SMARCC1: variants seen among roughly 807,000 people sequenced by gnomAD.
SMARCC1 encodes the protein SWI/SNF related BAF chromatin remodeling complex subunit C1.
In SMARCC1, 43 loss-of-function variants were observed where a neutral mutation model predicts 147.4. The ratio of observed to expected loss-of-function variants is 0.29; its 90% CI spans 0.23 to 0.38. The LOEUF (loss-of-function observed/expected upper bound fraction) is 0.38, where lower values mean the gene tolerates loss of function less well. Ranked by LOEUF, SMARCC1 falls within the 10% of genes least tolerant of loss-of-function variation. The probability of loss-of-function intolerance (pLI) is 1.00; values close to 1 mark genes in which losing one functional copy is unlikely to be tolerated. For synonymous variants in SMARCC1, 495 were observed against 484.4 expected (o/e 1.02, Z -0.29); for missense variants, 1,119 against 1,381.1 (o/e 0.81, Z 3.01).
At chr3:47,689,937 C>T (rs1576412339) in intron 12 of SMARCC1, among the ~76,000 whole-genome samples, 1 of 152,080 alleles carries the variant, frequency 6.6e-6, no homozygotes, top group African/African-American at 2.4e-5. Context: ...GTAAAACTGC[C>T]AGTACAGAAT....
intron 26 of SMARCC1, among the ~76,000 whole-genome samples, chr3:47,593,144 G>T (rs1485365616): frequency 6.6e-6 from 1 of 151,172 alleles, no homozygotes; most frequent in Non-Finnish European, 1.5e-5. Flanking sequence ...TGGTTTTAAA[G>T]AGTAATAAAT....
intron 19 of SMARCC1, among the ~76,000 whole-genome samples, chr3:47,667,607 G>T (rs920405374): frequency 1.3e-5 from 2 of 152,148 alleles, no homozygotes; most frequent in Non-Finnish European, 2.9e-5. Context: ...GGCCAAGCGC[G>T]GTGGCTTGTG....
intron 25 of SMARCC1, among the ~76,000 whole-genome samples, chr3:47,613,445 C>T (rs2032591055): frequency 1.4e-5 from 2 of 147,612 alleles, no homozygotes; most frequent in Non-Finnish European, 3.0e-5. Context: ...GTGCAGTGGT[C>T]GCCTTCCGGG....
intron 24 of SMARCC1, among the ~76,000 whole-genome samples, chr3:47,628,059 A>AT (rs199527588): frequency 6.6e-6 from 1 of 151,094 alleles, no homozygotes; most frequent in Middle Eastern, 3.4e-3. Context: ...ATATATATAT[A>AT]TTTTTTCTTT....
chr3:47,725,021 G>A (rs2034281275), intron 6 of SMARCC1, among the ~76,000 whole-genome samples: 1 of 38,198 alleles, frequency 2.6e-5, no homozygotes, highest in African/African-American at 1.1e-4. Context: ...AACAGAAAAA[G>A]ACTGTCTCCA....
In SMARCC1 at chr3:47,663,054, C is replaced by T. The variant is rs187383505; in HGVS notation, c.1900-462G>A. Among the ~76,000 whole-genome samples, 914 of 140,536 alleles carry T rather than the reference C, an allele frequency of 6.5e-3. 8 individuals carry two copies. Among genetic ancestry groups the T allele is most frequent in the African/African-American group, 0.023 (864 of 37,732 alleles). The allele number at this position is 140,536 out of a possible 152,430, so 92.2% of individuals were successfully genotyped here. On this transcript the variant is annotated intron_variant, in intron 19 of 27. Coordinates refer to ENST00000254480, the MANE Select transcript of SMARCC1 (RefSeq NM_003074.4). ...TTGTGCCACTGCATTCCAGCCTAGG[C>T]GGCAAGAGTGATAGAAAGAAAGAAA...
chr3:47,761,352 T>C (rs754615224), intron 2 of SMARCC1, among the ~76,000 whole-genome samples: 17 of 152,064 alleles, frequency 1.1e-4, no homozygotes, highest in South Asian at 2.1e-4. Flanking sequence ...AGACTAAAAA[T>C]ATATAACTAA....
chr3:47,610,832 A>T, intron 25 of SMARCC1: 1 of 159,402 alleles, frequency 6.3e-6, no homozygotes, highest in East Asian at 1.8e-4. Context: ...GAGTTAAATT[A>T]CTCTGCATGA....
chr3:47,676,934 T>C (rs2033581882), intron 16 of SMARCC1, 152 bp from the exon 17 acceptor site: 1 of 662,502 alleles, frequency 1.5e-6, no homozygotes, highest in Non-Finnish European at 2.6e-6. Flanking sequence ...CAGATTTTGT[T>C]ATGTGACGAA....
At chr3:47,673,096 T>C (rs2033521648) in intron 18 of SMARCC1, among the ~76,000 whole-genome samples, 1 of 152,090 alleles carries the variant, frequency 6.6e-6, no homozygotes, top group African/African-American at 2.4e-5. Context: ...ATTTTTTTCT[T>C]GTATTAGGCT....
chr3:47,706,152 A>C (rs1193789881), intron 10 of SMARCC1, among the ~76,000 whole-genome samples: 1 of 142,352 alleles, frequency 7.0e-6, no homozygotes, highest in Non-Finnish European at 1.5e-5. Flanking sequence ...ACTTAGATAC[A>C]AAAAAAAAAA....
At chr3:47,666,589 A>T (rs1490602749) in intron 19 of SMARCC1, among the ~76,000 whole-genome samples, 1 of 3,416 alleles carries the variant, frequency 2.9e-4, no homozygotes, top group African/African-American at 3.0e-4. Flanking sequence ...TTTCCTAATT[A>T]AAAAAAAAAA....
Position 47,738,257 on chromosome 3 carries a change from T to G in SMARCC1, c.402-147A>C, listed in dbSNP as rs1559659007. ...TGTGTGAGACATTCTCTCAGTAACA[T>G]AAGAATACATAGTATCAACACCCTT... On this transcript the variant is annotated intron_variant, in intron 3 of 27. Transcript: ENST00000254480. The G allele has an allele frequency of 8.8e-6, 5 of 566,208 alleles. No individual in the cohort carries two copies. The South Asian group carries it at 1.3e-4, about 15-fold the overall frequency. The allele number at this position is 566,208 out of a possible 1,614,324, so 35.1% of individuals were successfully genotyped here. A position where few individuals can be genotyped will look rare whatever the true frequency, so the allele number is the denominator to read the frequency against.
chr3:47,754,689 T>C (rs1175360806), intron 2 of SMARCC1, among the ~76,000 whole-genome samples: 2 of 151,552 alleles, frequency 1.3e-5, no homozygotes, highest in African/African-American at 4.9e-5. Context: ...GGTGCAAAAA[T>C]CAAAGGGAGG....
At chr3:47,735,494 G>T (rs1389170198) in intron 5 of SMARCC1, among the ~76,000 whole-genome samples, 1 of 152,080 alleles carries the variant, frequency 6.6e-6, no homozygotes, top group Non-Finnish European at 1.5e-5. Flanking sequence ...TTGTGGCCGG[G>T]CACAGTGGCT....
At chr3:47,680,300 A>G in intron 15 of SMARCC1, 137 bp downstream of exon 15, 2 of 698,448 alleles carry the variant, frequency 2.9e-6, no homozygotes, top group South Asian at 3.1e-5. Flanking sequence ...AATGCTATGC[A>G]AATGAGATAT....
Position 47,710,667 on chromosome 3 carries a change from G to C in SMARCC1, c.918+16C>G, listed in dbSNP as rs774245888. On this transcript the variant is annotated intron_variant, in intron 9 of 27. Transcript: ENST00000254480. ...AAGACAGACTTAATGATGAGAAACT[G>C]TGCCAAAGAAAATACCTCTTCATTC... 1 of 1,611,276 alleles carries C rather than the reference G, an allele frequency of 6.2e-7. No individual in the cohort carries two copies. Among genetic ancestry groups the C allele is most frequent in the Non-Finnish European group, 8.5e-7 (1 of 1,178,974 alleles).
intron 21 of SMARCC1, among the ~76,000 whole-genome samples, chr3:47,643,612 T>C (rs2033080985): frequency 6.6e-6 from 1 of 152,224 alleles, no homozygotes; most frequent in African/African-American, 2.4e-5. Flanking sequence ...TACCATGTTT[T>C]ATAAACTTTA....
At position 47,596,055 on chromosome 3, in the gene SMARCC1, A is replaced by C. The variant is rs532177741; in HGVS notation, c.3044-5218T>G. The stretch of plus-strand genomic sequence containing the variant: ...GCCAGGTTTTTTTTTTTTCTTTCCC[A>C]AAAACAAAAACAAAAACAAAACAAA... On this transcript the variant is annotated intron_variant, in intron 26 of 27. Transcript: ENST00000254480. Among the ~76,000 whole-genome samples, 3 of 138,768 alleles carry C rather than the reference A, an allele frequency of 2.2e-5. No individual in the cohort carries two copies. The South Asian group carries it at 8.0e-4, about 37-fold the overall frequency. The allele number at this position is 138,768 out of a possible 152,430, so 91.0% of individuals were successfully genotyped here. A position where few individuals can be genotyped will look rare whatever the true frequency, so the allele number is the denominator to read the frequency against.
Sources: gnomAD v4.1 joint callset for allele counts (sites outside exome capture counted in the v4.1 genomes callset) on GRCh38, gnomAD v4.1.1 for gene constraint, MANE v1.5 for transcripts, NCBI Gene and HGNC (gene_info 2026-07-23, HGNC 2026-07-21) for gene names.